The following RALYL variants were observed in gnomAD, a reference collection of about 807,000 sequenced individuals.
RALYL encodes the protein RNA-binding Raly-like protein.
Under a neutral mutation model 35.1 loss-of-function variants are expected in RALYL, and 29 were observed. That is an observed-to-expected ratio of 0.83 (90% CI 0.61 to 1.13). The LOEUF (loss-of-function observed/expected upper bound fraction) is 1.13, where lower values mean the gene tolerates loss of function less well. RALYL is among the 50% of genes most tolerant of loss of function. RALYL has a pLI of 0.00. For synonymous variants in RALYL, 120 were observed against 127.6 expected, an observed-to-expected ratio of 0.94 and a Z score of 0.40; for missense variants, 359 against 360.4, an observed-to-expected ratio of 1.00 and a Z score of 0.03.
intron 1 of RALYL, among the ~76,000 whole-genome samples, chr8:84,396,477 C>A (rs1045334219): frequency 1.3e-5 from 2 of 152,054 alleles, no homozygotes; most frequent in African/African-American, 4.8e-5. Context: ...CTCATTCATT[C>A]ATTCAATAAA....
intron 2 of RALYL, among the ~76,000 whole-genome samples, chr8:84,664,891 C>T (rs1467740446): frequency 6.6e-6 from 1 of 152,110 alleles, no homozygotes; most frequent in Non-Finnish European, 1.5e-5. Flanking sequence ...AGAAGACATC[C>T]TTGTCTTTTG....
intron 2 of RALYL, among the ~76,000 whole-genome samples, chr8:84,736,742 T>C (rs1158997871): frequency 1.3e-5 from 2 of 152,072 alleles, no homozygotes; most frequent in Non-Finnish European, 1.5e-5. Context: ...CCACTTCTTA[T>C]TGTATTCCAG....
chr8:84,201,860 C>T (rs532347572), intron 1 of RALYL, among the ~76,000 whole-genome samples: 9 of 152,136 alleles, frequency 5.9e-5, no homozygotes, highest in East Asian at 3.9e-4. Context: ...AACCACTGTT[C>T]GCAGCTAGCA....
At chr8:84,571,753 C>T (rs1314911819) in intron 2 of RALYL, among the ~76,000 whole-genome samples, 2 of 151,630 alleles carry the variant, frequency 1.3e-5, no homozygotes, top group South Asian at 2.1e-4. Flanking sequence ...GTTAGTGAAA[C>T]CAACTTTTCT....
chr8:84,384,488 T>C (rs983212235), intron 1 of RALYL, among the ~76,000 whole-genome samples: 30 of 151,918 alleles, frequency 2.0e-4, no homozygotes, highest in East Asian at 1.9e-4. Context: ...ATTTCTATTA[T>C]AGATATTCTT....
At chr8:84,202,759 T>C (rs1212314760) in intron 1 of RALYL, among the ~76,000 whole-genome samples, 5 of 152,144 alleles carry the variant, frequency 3.3e-5, no homozygotes, top group Admixed American at 3.3e-4. Context: ...AAAATTGCAT[T>C]TTGTACAGTA....
At chr8:84,867,744 C>A (rs567194852) in intron 6 of RALYL, among the ~76,000 whole-genome samples, 207 of 152,250 alleles carry the variant, frequency 1.4e-3, no homozygotes, top group African/African-American at 4.4e-3. Context: ...CAGTTATCAT[C>A]AAAACTAATT....
chr8:84,752,716 T>A (rs1169625159), intron 2 of RALYL, among the ~76,000 whole-genome samples: 1 of 152,180 alleles, frequency 6.6e-6, no homozygotes, highest in Admixed American at 6.6e-5. Context: ...CTTGGGCCAC[T>A]GCTTCAAAGG....
chr8:84,659,213 T>C (rs992573892), intron 2 of RALYL, among the ~76,000 whole-genome samples: 3 of 152,044 alleles, frequency 2.0e-5, no homozygotes, highest in African/African-American at 7.2e-5. Flanking sequence ...TGTGTAGAGA[T>C]CAACACCTTT....
intron 1 of RALYL, among the ~76,000 whole-genome samples, chr8:84,218,836 T>C (rs1181702064): frequency 2.0e-5 from 3 of 152,098 alleles, no homozygotes; most frequent in East Asian, 3.9e-4. Context: ...TGGTTGGTGC[T>C]GAATGACTCC....
chr8:84,424,656 C>T (rs1369058439), intron 1 of RALYL, among the ~76,000 whole-genome samples: 3 of 151,754 alleles, frequency 2.0e-5, no homozygotes, highest in African/African-American at 2.4e-5. Context: ...TTTTTCTGTT[C>T]TGTTTTTTCC....
chr8:84,523,112 G>T (rs1490488684), intron 1 of RALYL, among the ~76,000 whole-genome samples: 1 of 151,992 alleles, frequency 6.6e-6, no homozygotes, highest in African/African-American at 2.4e-5. Context: ...CCATTCTCGT[G>T]CTGCTAATAA....
At chr8:84,592,694 A>T (rs1813565111) in intron 2 of RALYL, among the ~76,000 whole-genome samples, 1 of 152,172 alleles carries the variant, frequency 6.6e-6, no homozygotes. Flanking sequence ...GAACAGAGGA[A>T]ATATCCACCA....
At chr8:84,225,902 A>G (rs1187728213) in intron 1 of RALYL, among the ~76,000 whole-genome samples, 1 of 152,116 alleles carries the variant, frequency 6.6e-6, no homozygotes, top group Non-Finnish European at 1.5e-5. Context: ...TGTAGAACCA[A>G]TATGCTTTGT....
chr8:84,907,914 C>T lies in RALYL; in HGVS notation c.859-12980C>T, dbSNP rs1587142761. The stretch of plus-strand genomic sequence containing the variant: ...CCAAAAAACCCTGTGTTCCTGCTGT[C>T]CTCTCCTGTTTCTCTCTCAATCTCT... On this transcript the variant is annotated intron_variant, in intron 8 of 8. Coordinates refer to ENST00000521268, the MANE Select transcript of RALYL (RefSeq NM_173848.7). Among the ~76,000 whole-genome samples, 5 of 152,096 alleles carry T rather than the reference C, an allele frequency of 3.3e-5. No homozygotes were observed. In the East Asian group the frequency reaches 9.7e-4, roughly 29 times the overall value.
intron 3 of RALYL, among the ~76,000 whole-genome samples, chr8:84,782,032 C>T (rs1234263777): frequency 2.8e-5 from 1 of 35,216 alleles, no homozygotes; most frequent in South Asian, 1.5e-3. Context: ...CACACGCGCG[C>T]ACACACACAC....
chr8:84,362,824 T>G (rs926750724), intron 1 of RALYL, among the ~76,000 whole-genome samples: 2 of 152,136 alleles, frequency 1.3e-5, no homozygotes, highest in African/African-American at 4.8e-5. Context: ...GAGAATATAT[T>G]GAAGGCTTTC....
At chr8:84,912,822 G>T (rs1847727563) in intron 8 of RALYL, among the ~76,000 whole-genome samples, 1 of 152,018 alleles carries the variant, frequency 6.6e-6, no homozygotes, top group African/African-American at 2.4e-5. Context: ...TCAGGTAAGT[G>T]CAGAAATATG....
intron 1 of RALYL, among the ~76,000 whole-genome samples, chr8:84,317,677 C>T (rs1433111583): frequency 3.3e-5 from 5 of 152,088 alleles, no homozygotes; most frequent in Non-Finnish European, 5.9e-5. Context: ...TGGGCTTTTG[C>T]TAACCAGGAT....
Sources: gnomAD v4.1 joint callset for allele counts (sites outside exome capture counted in the v4.1 genomes callset) on GRCh38, gnomAD v4.1.1 for gene constraint, MANE v1.5 for transcripts, NCBI Gene and HGNC (gene_info 2026-07-23, HGNC 2026-07-21) for gene names.